ARHGAP15: variants seen among roughly 807,000 people sequenced by gnomAD.
ARHGAP15 encodes rho GTPase-activating protein 15.
In ARHGAP15, 51 loss-of-function variants were observed where a neutral mutation model predicts 63.7. That is an observed-to-expected ratio of 0.80 (90% CI 0.64 to 1.01). The LOEUF (loss-of-function observed/expected upper bound fraction) is 1.01, where lower values mean the gene tolerates loss of function less well. ARHGAP15 is among the 50% of genes least tolerant of loss of function. The pLI is 0.00. For missense variants in ARHGAP15, 560 were observed against 564.6 expected (o/e 0.99, Z 0.08); for synonymous variants, 191 against 193.8 (o/e 0.99, Z 0.12).
intron 3 of ARHGAP15, among the ~76,000 whole-genome samples, chr2:143,204,522 G>C (rs562253343): frequency 4.0e-4 from 61 of 152,148 alleles, no homozygotes; most frequent in Non-Finnish European, 7.8e-4. Context: ...ATTCATGAGA[G>C]CTCCACCTTT....
chr2:143,644,649 A>T (rs1207953658), intron 12 of ARHGAP15, among the ~76,000 whole-genome samples: 1 of 152,102 alleles, frequency 6.6e-6, no homozygotes, highest in Non-Finnish European at 1.5e-5. Context: ...CAGTGACTGG[A>T]ACGTTGAATA....
intron 1 of ARHGAP15, among the ~76,000 whole-genome samples, chr2:143,134,669 C>T (rs1219042778): frequency 1.4e-5 from 2 of 146,868 alleles, no homozygotes; most frequent in African/African-American, 2.6e-5. Flanking sequence ...GAGTCTCACT[C>T]TGTCACCCAA....
At chr2:143,527,426 A>G (rs896836986) in intron 10 of ARHGAP15, among the ~76,000 whole-genome samples, 2 of 151,712 alleles carry the variant, frequency 1.3e-5, no homozygotes, top group Non-Finnish European at 2.9e-5. Flanking sequence ...TTCTTGTTTT[A>G]TCTCTCTTTG....
At chr2:143,585,875 T>C (rs532499751) in intron 11 of ARHGAP15, among the ~76,000 whole-genome samples, 21 of 152,262 alleles carry the variant, frequency 1.4e-4, no homozygotes, top group African/African-American at 5.1e-4. Context: ...CTTTGTTATT[T>C]TACCAAGTTT....
At chr2:143,580,427 A>G (rs1021617999) in intron 11 of ARHGAP15, among the ~76,000 whole-genome samples, 3 of 152,148 alleles carry the variant, frequency 2.0e-5, no homozygotes, top group Admixed American at 2.0e-4. Context: ...GCAGACAAAT[A>G]TAATTATTAC....
At chr2:143,354,061 T>A (rs1685699686) in intron 6 of ARHGAP15, among the ~76,000 whole-genome samples, 1 of 151,886 alleles carries the variant, frequency 6.6e-6, no homozygotes, top group Non-Finnish European at 1.5e-5. Context: ...GAGATGGCCC[T>A]CTGAATTCCT....
chr2:143,335,500 G>A (rs1451625961), intron 6 of ARHGAP15, among the ~76,000 whole-genome samples: 6 of 152,098 alleles, frequency 3.9e-5, no homozygotes, highest in African/African-American at 1.4e-4. Flanking sequence ...GCAAATTTCT[G>A]TATGGCACAC....
chr2:143,239,504 G>A (rs538942204), intron 5 of ARHGAP15, among the ~76,000 whole-genome samples: 20 of 152,088 alleles, frequency 1.3e-4, no homozygotes, highest in African/African-American at 4.3e-4. Context: ...GCTTCTATGA[G>A]TTTGACGTTA....
Position 143,196,224 on chromosome 2 carries a change from G to C in ARHGAP15, c.166-5910G>C, listed in dbSNP as rs1462785500. ...GAACAGAAGTAGAAAGGGAGAGAGT[G>C]GTGGGTGGTGATAAATAAGGAAAAA... On this transcript the variant is annotated intron_variant, in intron 2 of 13. Coordinates refer to ENST00000295095, the MANE Select transcript of ARHGAP15 (RefSeq NM_018460.4). Among the ~76,000 whole-genome samples the C allele has an allele frequency of 2.0e-5, 3 of 152,068 alleles. No individual in the cohort carries two copies. The East Asian group carries it at 5.8e-4, about 29-fold the overall frequency.
At chr2:143,426,880 C>T (rs990688775) in intron 6 of ARHGAP15, among the ~76,000 whole-genome samples, 3 of 152,248 alleles carry the variant, frequency 2.0e-5, no homozygotes, top group African/African-American at 7.2e-5. Flanking sequence ...TGAAATACAC[C>T]TACATTCACT....
At chr2:143,659,766 T>C (rs779031285) in intron 12 of ARHGAP15, among the ~76,000 whole-genome samples, 5 of 152,226 alleles carry the variant, frequency 3.3e-5, no homozygotes, top group African/African-American at 4.8e-5. Flanking sequence ...AGTCTATTTA[T>C]CAGCTTTCAT....
intron 12 of ARHGAP15, among the ~76,000 whole-genome samples, chr2:143,680,021 TAA>T (rs55927433): frequency 0.016 from 1,576 of 101,322 alleles, 24 homozygotes; most frequent in African/African-American, 0.069. Context: ...AGTAAATGAT[TAA>T]AAAAAAAAAA....
chr2:143,562,311 G>A (rs1696061986), intron 11 of ARHGAP15, among the ~76,000 whole-genome samples: 2 of 152,148 alleles, frequency 1.3e-5, no homozygotes, highest in Admixed American at 1.3e-4. Flanking sequence ...GTTTCATCAT[G>A]AAATAAGCAA....
At chr2:143,230,202 C>T (rs1022785218) in intron 5 of ARHGAP15, among the ~76,000 whole-genome samples, 3 of 152,114 alleles carry the variant, frequency 2.0e-5, no homozygotes, top group Non-Finnish European at 2.9e-5. Context: ...TGATCTTCCC[C>T]TGCTGAGTGA....
At chr2:143,721,992 A>T (rs1685081520) in intron 13 of ARHGAP15, among the ~76,000 whole-genome samples, 1 of 152,232 alleles carries the variant, frequency 6.6e-6, no homozygotes, top group African/African-American at 2.4e-5. Flanking sequence ...TGTTATGCAA[A>T]CATGGTTTAC....
At chr2:143,586,626 G>T (rs1300712360) in intron 11 of ARHGAP15, among the ~76,000 whole-genome samples, 2 of 151,488 alleles carry the variant, frequency 1.3e-5, no homozygotes, top group South Asian at 2.1e-4. Context: ...TCATCTTTTT[G>T]AATACTTATA....
intron 10 of ARHGAP15, among the ~76,000 whole-genome samples, chr2:143,527,208 A>T (rs1559028962): frequency 6.6e-6 from 1 of 152,180 alleles, no homozygotes; most frequent in South Asian, 2.1e-4. Context: ...GGTAAAAGAG[A>T]CATACAGATT....
chr2:143,302,906 T>A (rs970714916), intron 6 of ARHGAP15, among the ~76,000 whole-genome samples: 18 of 143,974 alleles, frequency 1.3e-4, no homozygotes, highest in African/African-American at 4.4e-4. Flanking sequence ...TGCTCCTCTG[T>A]AAATAAGTAT....
chr2:143,386,839 AT>A (rs34540164), intron 6 of ARHGAP15, among the ~76,000 whole-genome samples: 12 of 149,380 alleles, frequency 8.0e-5, no homozygotes, highest in African/African-American at 9.8e-5. Flanking sequence ...TTGGTTGTTT[AT>A]TTTTTTTTTG....
Sources: gnomAD v4.1 joint callset for allele counts (sites outside exome capture counted in the v4.1 genomes callset) on GRCh38, gnomAD v4.1.1 for gene constraint, MANE v1.5 for transcripts, NCBI Gene and HGNC (gene_info 2026-07-23, HGNC 2026-07-21) for gene names.